NR3C2: variants seen among roughly 807,000 people sequenced by gnomAD.
NR3C2 encodes nuclear receptor subfamily 3 group C member 2.
Under a neutral mutation model 86.4 loss-of-function variants are expected in NR3C2, and 15 were observed. That is an observed-to-expected ratio of 0.17 (90% CI 0.12 to 0.27). The LOEUF is 0.27. NR3C2 is among the 10% of genes least tolerant of loss of function. NR3C2 has a pLI of 1.00. For missense variants in NR3C2, 960 were observed against 1,195.6 expected (o/e 0.80, Z 2.91); for synonymous variants, 458 against 450.5 (o/e 1.02, Z -0.21).
chr4:148,178,147 G>GTTA (rs1208184000), intron 4 of NR3C2, among the ~76,000 whole-genome samples: 3 of 146,774 alleles, frequency 2.0e-5, no homozygotes, highest in Non-Finnish European at 3.1e-5. Context: ...ACACCAGTCT[G>GTTA]GCAAACATGG....
At chr4:148,265,390 GA>G (rs934518023) in intron 2 of NR3C2, among the ~76,000 whole-genome samples, 9 of 151,752 alleles carry the variant, frequency 5.9e-5, no homozygotes, top group Admixed American at 2.0e-4. Flanking sequence ...AGCTACGTAA[GA>G]AAAAAAATGA....
At chr4:148,223,997 G>C (rs915469345) in intron 3 of NR3C2, among the ~76,000 whole-genome samples, 1 of 152,144 alleles carries the variant, frequency 6.6e-6, no homozygotes, top group Non-Finnish European at 1.5e-5. Context: ...TGTTGACGAT[G>C]TTGATTTGGG....
At chr4:148,443,816 G>GC (rs751258491), upstream of NR3C2, among the ~76,000 whole-genome samples, 27 of 152,094 alleles carry the variant, frequency 1.8e-4, no homozygotes, top group Non-Finnish European at 4.0e-4. Context: ...GTGCCCAAAG[G>GC]CCCCTCCTCT....
intron 2 of NR3C2, among the ~76,000 whole-genome samples, chr4:148,275,421 AATCTT>A (rs1176911476): frequency 5.3e-5 from 8 of 152,076 alleles, no homozygotes; most frequent in Non-Finnish European, 7.4e-5. Context: ...TAGATAAGCC[AATCTT>A]ATCTTATCTT....
chr4:148,228,937 T>C (rs573825289), intron 3 of NR3C2, among the ~76,000 whole-genome samples: 2 of 152,246 alleles, frequency 1.3e-5, no homozygotes, highest in South Asian at 2.1e-4. Context: ...AACTCCTGTA[T>C]GATGCCTATA....
intron 5 of NR3C2, 105 bp downstream of exon 5, chr4:148,154,446 A>C: frequency 9.7e-7 from 1 of 1,028,896 alleles, no homozygotes; most frequent in Non-Finnish European, 1.5e-6. Flanking sequence ...TGATATCAGG[A>C]TTTCATAGAA....
chr4:148,259,002 C>CA (rs566506288), intron 3 of NR3C2, among the ~76,000 whole-genome samples: 11 of 152,192 alleles, frequency 7.2e-5, no homozygotes, highest in African/African-American at 1.2e-4. Context: ...AATGCAAAAT[C>CA]AATCTCAAGA....
intron 4 of NR3C2, among the ~76,000 whole-genome samples, chr4:148,180,631 C>G (rs191572814): frequency 9.9e-5 from 15 of 152,238 alleles, no homozygotes; most frequent in Admixed American, 4.6e-4. Flanking sequence ...CTTTGGTGTT[C>G]TAACATTTCC....
chr4:148,266,427 G>A (rs1306598237), intron 2 of NR3C2, among the ~76,000 whole-genome samples: 2 of 152,172 alleles, frequency 1.3e-5, no homozygotes, highest in Admixed American at 1.3e-4. Flanking sequence ...CCACGTGAAG[G>A]TGCCAAAGGT....
intron 2 of NR3C2, among the ~76,000 whole-genome samples, chr4:148,282,716 A>G (rs537539998): frequency 6.6e-6 from 1 of 152,302 alleles, no homozygotes; most frequent in East Asian, 1.9e-4. Flanking sequence ...ATATTGCCTA[A>G]AACTCATTTG....
At chr4:148,290,660 T>C (rs112086806) in intron 2 of NR3C2, among the ~76,000 whole-genome samples, 3,823 of 152,332 alleles carry the variant, frequency 0.025, 71 homozygotes, top group Middle Eastern at 0.044. Flanking sequence ...TGAAGGCATA[T>C]ATACCTGAAA....
At chr4:148,308,318 A>C (rs1172987156) in intron 2 of NR3C2, among the ~76,000 whole-genome samples, 1 of 152,184 alleles carries the variant, frequency 6.6e-6, no homozygotes, top group African/African-American at 2.4e-5. Flanking sequence ...CTAAAGAATA[A>C]ACCTTCAAAC....
chr4:148,328,340 T>TG (rs777896122), intron 2 of NR3C2, among the ~76,000 whole-genome samples: 4 of 152,186 alleles, frequency 2.6e-5, no homozygotes, highest in Non-Finnish European at 4.4e-5. Flanking sequence ...AAGGCATTCA[T>TG]GTGACACAAG....
chr4:148,241,178 C>T (rs535716648), intron 3 of NR3C2, among the ~76,000 whole-genome samples: 15 of 151,374 alleles, frequency 9.9e-5, no homozygotes, highest in Admixed American at 3.3e-4. Context: ...TGGTGGCGCA[C>T]ACCTGTAGTC....
intron 6 of NR3C2, among the ~76,000 whole-genome samples, chr4:148,122,255 G>A (rs1382420928): frequency 2.6e-5 from 4 of 151,558 alleles, no homozygotes; most frequent in Admixed American, 6.6e-5. Context: ...TTTCCTTCTC[G>A]CACTGAGTAA....
chr4:148,394,748 G>T (rs1388492291), intron 2 of NR3C2, among the ~76,000 whole-genome samples: 5 of 152,010 alleles, frequency 3.3e-5, no homozygotes, highest in Non-Finnish European at 7.4e-5. Flanking sequence ...CACAGAAGCA[G>T]GAAAAATTAT....
At chr4:148,184,152 T>C (rs1447039362) in intron 4 of NR3C2, among the ~76,000 whole-genome samples, 1 of 152,050 alleles carries the variant, frequency 6.6e-6, no homozygotes, top group Non-Finnish European at 1.5e-5. Flanking sequence ...CCCTATGAGG[T>C]AAGAATGATA....
intron 3 of NR3C2, among the ~76,000 whole-genome samples, chr4:148,216,239 C>T (rs2149821924): frequency 6.6e-6 from 1 of 152,174 alleles, no homozygotes; most frequent in East Asian, 1.9e-4. Context: ...CCCCCCCAAC[C>T]ATTTAGTTCC....
intron 2 of NR3C2, among the ~76,000 whole-genome samples, chr4:148,279,224 G>A (rs1369102574): frequency 6.6e-6 from 1 of 152,128 alleles, no homozygotes; most frequent in Admixed American, 6.5e-5. Context: ...CACAAGTACT[G>A]TCAAAGGGTG....
Sources: gnomAD v4.1 joint callset for allele counts (sites outside exome capture counted in the v4.1 genomes callset) on GRCh38, gnomAD v4.1.1 for gene constraint, MANE v1.5 for transcripts, NCBI Gene and HGNC (gene_info 2026-07-23, HGNC 2026-07-21) for gene names.